PEBP4: variants seen among roughly 807,000 people sequenced by gnomAD.
PEBP4 encodes phosphatidylethanolamine-binding protein 4.
A neutral mutation model predicts 23.9 loss-of-function variants in PEBP4; 22 were observed. That is an observed-to-expected ratio of 0.92 (90% CI 0.66 to 1.31). The LOEUF (loss-of-function observed/expected upper bound fraction) is 1.31. Ranked by LOEUF, PEBP4 falls within the 40% of genes most tolerant of loss-of-function variation. The probability of loss-of-function intolerance (pLI) is 0.00; values close to 1 mark genes in which losing one functional copy is unlikely to be tolerated. For synonymous variants in PEBP4, 112 were observed against 99.3 expected (o/e 1.13, Z -0.76); for missense variants, 324 against 281.7 (o/e 1.15, Z -1.07).
intron 4 of PEBP4, among the ~76,000 whole-genome samples, chr8:22,788,914 T>C (rs1204486669): frequency 6.6e-6 from 1 of 152,190 alleles, no homozygotes; most frequent in Non-Finnish European, 1.5e-5. Flanking sequence ...TAGTAGAGGA[T>C]TGGCTGAGTA....
At chr8:22,882,562 G>T (rs766673236) in intron 3 of PEBP4, among the ~76,000 whole-genome samples, 1 of 152,196 alleles carries the variant, frequency 6.6e-6, no homozygotes, top group Non-Finnish European at 1.5e-5. Flanking sequence ...AGGGACCGTG[G>T]CTCCCGGAGA....
chr8:22,737,881 T>C (rs1454589809), intron 4 of PEBP4, among the ~76,000 whole-genome samples: 2 of 152,036 alleles, frequency 1.3e-5, no homozygotes, highest in African/African-American at 4.8e-5. Flanking sequence ...GCCGTCCAAG[T>C]GTAAGGGTCA....
intron 4 of PEBP4, among the ~76,000 whole-genome samples, chr8:22,747,845 C>T (rs1450248662): frequency 4.6e-5 from 7 of 152,108 alleles, no homozygotes; most frequent in South Asian, 2.1e-4. Context: ...ACAGAGGCCC[C>T]GGGGGCTTTC....
chr8:22,769,226 G>A (rs1238125353), intron 4 of PEBP4, among the ~76,000 whole-genome samples: 3 of 152,192 alleles, frequency 2.0e-5, no homozygotes, highest in South Asian at 2.1e-4. Context: ...CATTGAGGTT[G>A]CTCCTGGGTT....
intron 3 of PEBP4, among the ~76,000 whole-genome samples, chr8:22,829,908 A>G (rs1411622995): frequency 6.6e-6 from 1 of 152,152 alleles, no homozygotes; most frequent in Non-Finnish European, 1.5e-5. Flanking sequence ...CTTCTGCTGC[A>G]GCCCTTGCTA....
At chr8:22,929,969 C>T (rs1809428991), upstream of PEBP4, among the ~76,000 whole-genome samples, 2 of 152,202 alleles carry the variant, frequency 1.3e-5, no homozygotes, top group Non-Finnish European at 2.9e-5. Flanking sequence ...TCCCAAAGTG[C>T]TGGGATTACA....
At chr8:22,848,662 A>G (rs1807490740) in intron 3 of PEBP4, among the ~76,000 whole-genome samples, 1 of 152,044 alleles carries the variant, frequency 6.6e-6, no homozygotes, top group South Asian at 2.1e-4. Flanking sequence ...GGTGGGAGGG[A>G]GGAGAGAGAG....
chr8:22,928,131 G>A (rs996094836), upstream of PEBP4, among the ~76,000 whole-genome samples: 3 of 152,250 alleles, frequency 2.0e-5, no homozygotes, highest in African/African-American at 7.2e-5. Flanking sequence ...CTCCTTGGCT[G>A]TAAGGCAAGC....
chr8:22,769,709 C>T (rs944163036), intron 4 of PEBP4, among the ~76,000 whole-genome samples: 1 of 152,144 alleles, frequency 6.6e-6, no homozygotes, highest in Non-Finnish European at 1.5e-5. Context: ...TCTGTCAGCT[C>T]TTCCTTCAAA....
chr8:22,780,104 C>T (rs1351648403), intron 4 of PEBP4, among the ~76,000 whole-genome samples: 1 of 152,062 alleles, frequency 6.6e-6, no homozygotes, highest in Non-Finnish European at 1.5e-5. Flanking sequence ...GCTGGGACCA[C>T]AGGCACGCAC....
chr8:22,868,769 G>T (rs1388190437), intron 3 of PEBP4, among the ~76,000 whole-genome samples: 1 of 152,074 alleles, frequency 6.6e-6, no homozygotes, highest in African/African-American at 2.4e-5. Context: ...ATCTGACCAC[G>T]TCTCACCGAC....
intron 3 of PEBP4, among the ~76,000 whole-genome samples, chr8:22,869,081 G>A (rs1455910775): frequency 6.6e-6 from 1 of 152,082 alleles, no homozygotes; most frequent in Non-Finnish European, 1.5e-5. Flanking sequence ...AACACACCAG[G>A]CACTCCCCTG....
chr8:22,751,628 CTCTGTG>C (rs1327337434), intron 4 of PEBP4, among the ~76,000 whole-genome samples: 30 of 56,092 alleles, frequency 5.3e-4, no homozygotes, highest in Non-Finnish European at 2.4e-4. Context: ...GTGTGTGTGT[CTCTGTG>C]TGTGTGTGTG....
chr8:22,717,862 A>G (rs964508782), intron 6 of PEBP4, among the ~76,000 whole-genome samples: 1 of 152,286 alleles, frequency 6.6e-6, no homozygotes, highest in Non-Finnish European at 1.5e-5. Flanking sequence ...AGCCCGGCTC[A>G]GGTCTGTAAT....
chr8:22,743,241 G>A (rs997328925), intron 4 of PEBP4, among the ~76,000 whole-genome samples: 6 of 152,270 alleles, frequency 3.9e-5, no homozygotes, highest in African/African-American at 1.4e-4. Flanking sequence ...GCCTGAGAGT[G>A]GAGGCTACTG....
intron 4 of PEBP4, among the ~76,000 whole-genome samples, chr8:22,753,190 G>A (rs572377704): frequency 6.6e-6 from 1 of 152,274 alleles, no homozygotes; most frequent in South Asian, 2.1e-4. Context: ...AATAATTCCT[G>A]CCTTTAAGGA....
In PEBP4 at chr8:22,713,685, G is replaced by A. The variant is rs567017794; in HGVS notation, c.518-149C>T. ...GGCGTAGTGGCTGGGGGAGCTTCCGGCTCCTGTTGCAGAGGTAGCCCCCAG... is the reference window on the plus strand; with the variant it reads ...GGCGTAGTGGCTGGGGGAGCTTCCGACTCCTGTTGCAGAGGTAGCCCCCAG... On this transcript the variant is annotated intron_variant, in intron 6 of 6. Coordinates refer to ENST00000256404, the MANE Select transcript of PEBP4 (RefSeq NM_144962.3). 5 of 1,120,126 alleles carry A rather than the reference G, an allele frequency of 4.5e-6. No homozygotes were observed. In the East Asian group the frequency reaches 1.0e-4, roughly 23 times the overall value. 69.4% of individuals were successfully genotyped at this position (1,120,126 alleles called of 1,614,324 possible). A position where few individuals can be genotyped will look rare whatever the true frequency, so the allele number is the denominator to read the frequency against.
intron 3 of PEBP4, among the ~76,000 whole-genome samples, chr8:22,843,890 G>A (rs1807374614): frequency 6.6e-6 from 1 of 152,110 alleles, no homozygotes; most frequent in Non-Finnish European, 1.5e-5. Context: ...TCTCTCCTCT[G>A]ACGGCTCTGA....
intron 4 of PEBP4, among the ~76,000 whole-genome samples, chr8:22,777,490 G>A (rs1293203488): frequency 1.3e-5 from 2 of 152,188 alleles, no homozygotes; most frequent in Non-Finnish European, 1.5e-5. Flanking sequence ...GGAGAGGCAG[G>A]CCCTGAAGGA....
Sources: gnomAD v4.1 joint callset for allele counts (sites outside exome capture counted in the v4.1 genomes callset) on GRCh38, gnomAD v4.1.1 for gene constraint, MANE v1.5 for transcripts, NCBI Gene and HGNC (gene_info 2026-07-23, HGNC 2026-07-21) for gene names.